AOPEP: variants seen among roughly 807,000 people sequenced by gnomAD.
The protein encoded by AOPEP is aminopeptidase O (putative).
A neutral mutation model predicts 98.1 loss-of-function variants in AOPEP; 77 were observed. The observed-to-expected ratio is 0.78, with a 90% confidence interval of 0.65 to 0.95. The LOEUF is 0.95. AOPEP is among the 40% of genes least tolerant of loss of function. The probability of loss-of-function intolerance (pLI) is 0.00; values close to 1 mark genes in which losing one functional copy is unlikely to be tolerated. For synonymous variants in AOPEP, 346 were observed against 365.3 expected, an observed-to-expected ratio of 0.95 and a Z score of 0.60; for missense variants, 1,024 against 1,024.7, an observed-to-expected ratio of 1.00 and a Z score of 0.01.
the AOPEP span, among the ~76,000 whole-genome samples, chr9:95,115,217 C>T: frequency 9.2e-5 from 14 of 152,218 alleles, no homozygotes; most frequent in Middle Eastern, 3.4e-3. Context: ...GCTGGAATTA[C>T]AGGCATTAAT....
At chr9:94,997,111 C>T (rs572837840) in intron 11 of AOPEP, among the ~76,000 whole-genome samples, 24 of 152,282 alleles carry the variant, frequency 1.6e-4, no homozygotes, top group African/African-American at 5.5e-4. Flanking sequence ...ATGCACTTTT[C>T]GCTAAGGACC....
At chr9:94,921,734 G>A (rs973939026) in intron 5 of AOPEP, among the ~76,000 whole-genome samples, 4 of 152,096 alleles carry the variant, frequency 2.6e-5, no homozygotes, top group African/African-American at 9.7e-5. Flanking sequence ...AACCTTAGAG[G>A]GCCAAACGGG....
chr9:94,959,169 G>A (rs1319507800), intron 9 of AOPEP, among the ~76,000 whole-genome samples: 6 of 151,700 alleles, frequency 4.0e-5, no homozygotes, highest in Non-Finnish European at 7.4e-5. Context: ...TCAGCCTCCC[G>A]AGTAGCTGGG....
At chr9:94,781,761 C>T (rs374755131) in intron 3 of AOPEP, among the ~76,000 whole-genome samples, 3 of 151,156 alleles carry the variant, frequency 2.0e-5, no homozygotes, top group South Asian at 2.1e-4. Flanking sequence ...GGGGTTTCAC[C>T]GTGTTAGCCA....
intron 14 of AOPEP, among the ~76,000 whole-genome samples, chr9:95,070,738 G>A (rs2068415336): frequency 6.6e-6 from 1 of 152,260 alleles, no homozygotes; most frequent in African/African-American, 2.4e-5. Flanking sequence ...GAGAGCAGTG[G>A]GAGCTGGAAA....
the AOPEP span, among the ~76,000 whole-genome samples, chr9:95,108,259 G>A: frequency 7.2e-5 from 11 of 152,268 alleles, no homozygotes; most frequent in Middle Eastern, 3.4e-3. Context: ...CTGCACCATC[G>A]GGCTCTTCCA....
chr9:95,124,934 G>A, the AOPEP span: 9 of 712,746 alleles, frequency 1.3e-5, no homozygotes, highest in South Asian at 1.4e-4. Flanking sequence ...AGTTAAAATG[G>A]CTTAACCTTT....
chr9:95,121,035 T>C, the AOPEP span, among the ~76,000 whole-genome samples: 4 of 152,166 alleles, frequency 2.6e-5, no homozygotes, highest in African/African-American at 9.7e-5. Context: ...TGATGTCCCT[T>C]TAAAGGGCTG....
the AOPEP span, chr9:95,107,443 C>A: frequency 1.4e-6 from 1 of 692,600 alleles, no homozygotes; most frequent in Non-Finnish European, 2.5e-6. Context: ...CCCAAATGGG[C>A]GGAATGGAAA....
At chr9:94,830,979 AT>A (rs1262788060) in intron 5 of AOPEP, among the ~76,000 whole-genome samples, 6 of 151,864 alleles carry the variant, frequency 4.0e-5, no homozygotes, top group Admixed American at 3.9e-4. Flanking sequence ...AGATTGCAAA[AT>A]TTTTTTCCCA....
chr9:94,736,820 G>C (rs1258220027), intron 1 of AOPEP, among the ~76,000 whole-genome samples: 1 of 152,134 alleles, frequency 6.6e-6, no homozygotes. Context: ...TTCAACTGTG[G>C]TACTCAAAAT....
intron 5 of AOPEP, among the ~76,000 whole-genome samples, chr9:94,845,406 T>C (rs879321731): frequency 1.3e-5 from 2 of 152,140 alleles, no homozygotes; most frequent in Non-Finnish European, 2.9e-5. Flanking sequence ...CCTTACAGGG[T>C]TTTTATTCTG....
Position 94,797,526 on chromosome 9 carries a change from G to A in AOPEP, c.1119-3231G>A, listed in dbSNP as rs143830997. ...TGTGCTGAGTTATCATAGAATCATAGTGCCAGAAGAAACCTTAGAAAAGAT... is the reference window on the plus strand; with the variant it reads ...TGTGCTGAGTTATCATAGAATCATAATGCCAGAAGAAACCTTAGAAAAGAT... On this transcript the variant is annotated intron_variant, in intron 4 of 16. Transcript: ENST00000375315. Among the ~76,000 whole-genome samples the A allele has an allele frequency of 8.7e-3, 1,315 of 151,780 alleles. 10 individuals are homozygous for A. The highest frequency in any genetic ancestry group is 0.017 in the Middle Eastern group (5 of 290).
chr9:94,778,068 G>C (rs1842545295), intron 3 of AOPEP, among the ~76,000 whole-genome samples: 1 of 152,112 alleles, frequency 6.6e-6, no homozygotes, highest in Non-Finnish European at 1.5e-5. Flanking sequence ...TCGTCATCAG[G>C]GAAATGCAAA....
the AOPEP span, chr9:95,110,097 T>G: frequency 4.0e-6 from 1 of 250,466 alleles, no homozygotes; most frequent in Non-Finnish European, 6.3e-6. Flanking sequence ...CCACTCACAT[T>G]GAGCCAATAC....
chr9:95,075,643 G>C (rs1395322967), intron 14 of AOPEP, among the ~76,000 whole-genome samples: 1 of 152,212 alleles, frequency 6.6e-6, no homozygotes, highest in Non-Finnish European at 1.5e-5. Flanking sequence ...ACTTTCGGAA[G>C]CTTAAGGTGG....
At chr9:94,730,530 G>C (rs1381872856) in intron 1 of AOPEP, among the ~76,000 whole-genome samples, 1 of 152,012 alleles carries the variant, frequency 6.6e-6, no homozygotes, top group Non-Finnish European at 1.5e-5. Flanking sequence ...TTTATTTCTT[G>C]ACTCATAAAG....
intron 7 of AOPEP, among the ~76,000 whole-genome samples, chr9:94,945,666 C>A (rs566161657): frequency 9.2e-5 from 14 of 152,192 alleles, no homozygotes; most frequent in Non-Finnish European, 1.6e-4. Context: ...CACGGGCCAT[C>A]TGCTCCTCGT....
At position 94,761,941 on chromosome 9, in the gene AOPEP, C is replaced by T. The variant is rs148248767; in HGVS notation, c.797+1361C>T. Among the ~76,000 whole-genome samples, 339 of 149,832 alleles carry T rather than the reference C, an allele frequency of 2.3e-3. 5 individuals carry two copies. In the East Asian group the frequency reaches 0.04, roughly 18 times the overall value. On this transcript the variant is annotated intron_variant, in intron 2 of 16. Coordinates refer to ENST00000375315, the MANE Select transcript of AOPEP (RefSeq NM_001193329.3). ...AACAATATACTATCTGAATATTTAA[C>T]TAGGAAATTATAGTTTTTATACTCC... is the stretch of plus-strand genomic sequence containing the variant.
Sources: allele counts gnomAD v4.1 joint callset (sites outside exome capture counted in the v4.1 genomes callset), GRCh38; gene constraint gnomAD v4.1.1; transcripts MANE v1.5; gene names NCBI Gene and HGNC (gene_info 2026-07-23, HGNC 2026-07-21).